GAB1: variants seen among roughly 807,000 people sequenced by gnomAD.
GAB1 encodes the protein GRB2-associated-binding protein 1.
In GAB1, 19 loss-of-function variants were observed where a neutral mutation model predicts 66.5. The ratio of observed to expected loss-of-function variants is 0.29; its 90% CI spans 0.20 to 0.42. The LOEUF is 0.42. Among genes scored for constraint, GAB1 ranks in the 10% least tolerant of loss-of-function variants. GAB1 has a pLI of 1.00. For synonymous variants in GAB1, 294 were observed against 301.4 expected, an observed-to-expected ratio of 0.98 and a Z score of 0.25; for missense variants, 732 against 858.5, an observed-to-expected ratio of 0.85 and a Z score of 1.84.
At chr4:143,367,500 T>G (rs2055730) in intron 1 of GAB1, among the ~76,000 whole-genome samples, 47,937 of 151,616 alleles carry the variant, frequency 0.32, 7,849 homozygotes, top group South Asian at 0.49. Flanking sequence ...AGCCATTGCT[T>G]TTCACTTTTA....
rs1477535194 is a variant in GAB1 at position 143,474,412 on chromosome 4, G to C, written c.*5223G>C. ...CCCAAAACCCACTTTATCAGATATG[G>C]TATTGTGATGGTTAATATTATGTGT... is the stretch of plus-strand genomic sequence containing the variant. On this transcript the variant is annotated 3_prime_UTR_variant, in exon 10 of 10. Transcript: ENST00000262994. The C allele has an allele frequency of 6.6e-6, 1 of 152,054 alleles. No individual in the cohort carries two copies. Among genetic ancestry groups the C allele is most frequent in the Non-Finnish European group, 1.5e-5 (1 of 68,024 alleles). 9.4% of individuals were successfully genotyped at this position (152,054 alleles called of 1,614,324 possible).
chr4:143,378,629 GTCTCTCTCTCTCTCTCTC>G (rs3049720), intron 1 of GAB1, among the ~76,000 whole-genome samples: 28 of 129,238 alleles, frequency 2.2e-4, no homozygotes, highest in African/African-American at 3.5e-4. Flanking sequence ...CTTCCAAAGT[GTCTCTCTCTCTCTCTCTC>G]TCTCTCTCTC....
Position 143,373,042 on chromosome 4 carries a change from AAAACAC to A in GAB1, c.72+35784_72+35789del, listed in dbSNP as rs772782736. Among the ~76,000 whole-genome samples the A allele has an allele frequency of 2.4e-3, 264 of 108,886 alleles. 1 individual carries two copies. In the South Asian group the frequency reaches 0.034, roughly 14 times the overall value. 71.4% of individuals were successfully genotyped at this position (108,886 alleles called of 152,430 possible). On this transcript the variant is annotated intron_variant, in intron 1 of 9. Coordinates refer to ENST00000262994, the MANE Select transcript of GAB1 (RefSeq NM_002039.4). ...GCATCTGAGGATTGAATTTCCTTTA[AAAACAC>A]ACACACACACACACACACACACACA...
chr4:143,427,091 C>T (rs909741180), intron 2 of GAB1, among the ~76,000 whole-genome samples: 1 of 152,148 alleles, frequency 6.6e-6, no homozygotes, highest in African/African-American at 2.4e-5. Context: ...AAAGTACTCT[C>T]AGGAAAGTGA....
intron 1 of GAB1, among the ~76,000 whole-genome samples, chr4:143,374,943 TCAAGAATGCTCCTC>T: frequency 6.6e-6 from 1 of 152,208 alleles, no homozygotes. Context: ...GAATACTTTT[TCAAGAATGCTCCTC>T]CAGGAATGCT....
At chr4:143,352,427 AAG>A (rs1454414006) in intron 1 of GAB1, among the ~76,000 whole-genome samples, 1 of 152,208 alleles carries the variant, frequency 6.6e-6, no homozygotes, top group African/African-American at 2.4e-5. Flanking sequence ...AAGGAATGCA[AAG>A]AGAGAACTGT....
chr4:143,346,097 C>A (rs1265910548), intron 1 of GAB1, among the ~76,000 whole-genome samples: 3 of 152,208 alleles, frequency 2.0e-5, no homozygotes. Flanking sequence ...TCCCTACTCT[C>A]TCTTTTCCTA....
intron 3 of GAB1, among the ~76,000 whole-genome samples, 183 bp downstream of exon 3, chr4:143,433,899 G>A (rs1393571551): frequency 3.3e-5 from 5 of 152,162 alleles, no homozygotes; most frequent in Admixed American, 6.5e-5. Flanking sequence ...CCGATATTCA[G>A]GAGATTGTAT....
intron 6 of GAB1, among the ~76,000 whole-genome samples, chr4:143,458,881 A>G (rs1735337668): frequency 6.6e-6 from 1 of 151,782 alleles, no homozygotes; most frequent in Admixed American, 6.6e-5. Flanking sequence ...AGATTCGAAC[A>G]TTTTTTCAGT....
At chr4:143,394,819 T>C (rs1270211501) in intron 1 of GAB1, 1 of 152,144 alleles carries the variant, frequency 6.6e-6, no homozygotes, top group Non-Finnish European at 1.5e-5. Flanking sequence ...GTACTCAGGT[T>C]GTTTATTCTG....
intron 6 of GAB1, among the ~76,000 whole-genome samples, chr4:143,458,657 T>G: frequency 6.6e-6 from 1 of 152,054 alleles, no homozygotes; most frequent in East Asian, 1.9e-4. Flanking sequence ...AATTGTCTAC[T>G]GCAATATGAG....
At chr4:143,390,926 G>A (rs149409075) in intron 1 of GAB1, among the ~76,000 whole-genome samples, 4 of 152,244 alleles carry the variant, frequency 2.6e-5, no homozygotes, top group African/African-American at 4.8e-5. Context: ...GGCAGCATGC[G>A]CAATGTCTTC....
intron 1 of GAB1, among the ~76,000 whole-genome samples, chr4:143,366,527 G>GT: frequency 1.3e-5 from 2 of 152,100 alleles, no homozygotes; most frequent in Middle Eastern, 6.8e-3. Flanking sequence ...ATATTTTTGT[G>GT]TTTTTTCTAA....
intron 3 of GAB1, among the ~76,000 whole-genome samples, chr4:143,436,104 C>T (rs1465864087): frequency 6.6e-6 from 1 of 152,102 alleles, no homozygotes; most frequent in Non-Finnish European, 1.5e-5. Context: ...ATTAGAAATT[C>T]CACAAAGGGA....
At chr4:143,360,956 T>C (rs1729639801) in intron 1 of GAB1, among the ~76,000 whole-genome samples, 1 of 152,326 alleles carries the variant, frequency 6.6e-6, no homozygotes, top group African/African-American at 2.4e-5. Flanking sequence ...TTTCAAAACT[T>C]ACATTTTTTA....
In GAB1 at chr4:143,469,784, A is replaced by G. The variant is rs1304540683; in HGVS notation, c.*595A>G. 1.3e-5 allele frequency: 2 copies of G among 152,642 alleles called. No homozygotes were observed. Among genetic ancestry groups the G allele is most frequent in the East Asian group, 3.9e-4 (2 of 5,192 alleles). 9.5% of individuals were successfully genotyped at this position (152,642 alleles called of 1,614,324 possible). A position where few individuals can be genotyped will look rare whatever the true frequency, so the allele number is the denominator to read the frequency against. On this transcript the variant is annotated 3_prime_UTR_variant, in exon 10 of 10. Transcript: ENST00000262994. The stretch of plus-strand genomic sequence containing the variant: ...CTAGTTCTCTGGTTAATGTACATTT[A>G]GTTTTTAATGGTGGAACTTTGTTAT...
chr4:143,380,616 T>G (rs1471329093), intron 1 of GAB1: 1 of 152,226 alleles, frequency 6.6e-6, no homozygotes, highest in African/African-American at 2.4e-5. Context: ...TAATAGAGTC[T>G]CACTGTGTTG....
At chr4:143,420,222 A>G (rs1170503880) in intron 2 of GAB1, among the ~76,000 whole-genome samples, 2 of 152,130 alleles carry the variant, frequency 1.3e-5, no homozygotes, top group South Asian at 2.1e-4. Flanking sequence ...ATTAGCTAAC[A>G]GCACAAGATA....
chr4:143,459,734 A>G (rs1735385395), intron 7 of GAB1, among the ~76,000 whole-genome samples: 2 of 152,168 alleles, frequency 1.3e-5, no homozygotes, highest in South Asian at 4.1e-4. Flanking sequence ...GTGACACCCA[A>G]TAGAAATGTG....
Sources: gnomAD v4.1 joint callset for allele counts (sites outside exome capture counted in the v4.1 genomes callset) on GRCh38, gnomAD v4.1.1 for gene constraint, MANE v1.5 for transcripts, NCBI Gene and HGNC (gene_info 2026-07-23, HGNC 2026-07-21) for gene names.